The following VWA2 variants were observed in gnomAD, a reference collection of about 807,000 sequenced individuals.
The protein encoded by VWA2 is von Willebrand factor A domain containing 2.
VWA2 carries 73 observed loss-of-function variants against 70.4 expected under a neutral mutation model. The ratio of observed to expected loss-of-function variants is 1.04; its 90% CI spans 0.86 to 1.26. VWA2 has a LOEUF of 1.26. VWA2 is among the 50% of genes most tolerant of loss of function. The pLI is 0.00. For synonymous variants in VWA2, 407 were observed against 423.3 expected (o/e 0.96, Z 0.47); for missense variants, 1,011 against 998.5 (o/e 1.01, Z -0.17).
chr10:114,286,587 T>A, intron 11 of VWA2, 76 bp downstream of exon 11: 1 of 1,299,396 alleles, frequency 7.7e-7, no homozygotes, highest in Non-Finnish European at 1.0e-6. Context: ...CACCTAACCA[T>A]CATTTTCTGC....
At chr10:114,287,164 G>A (rs2039003716) in intron 11 of VWA2, among the ~76,000 whole-genome samples, 1 of 152,216 alleles carries the variant, frequency 6.6e-6, no homozygotes, top group African/African-American at 2.4e-5. Flanking sequence ...CATGGCCAGA[G>A]ATGTAGTAGC....
chr10:114,277,461 C>T (rs991221394), intron 6 of VWA2, among the ~76,000 whole-genome samples: 5 of 152,200 alleles, frequency 3.3e-5, no homozygotes, highest in East Asian at 3.9e-4. Context: ...TGGGATTAGG[C>T]GTGAGCCACC....
intron 3 of VWA2, 76 bp downstream of exon 3, chr10:114,253,801 C>G: frequency 7.2e-7 from 1 of 1,394,920 alleles, no homozygotes; most frequent in Non-Finnish European, 1.0e-6. Flanking sequence ...GAACCATGTT[C>G]TTCCAGAGAG....
intron 1 of VWA2, among the ~76,000 whole-genome samples, chr10:114,247,920 G>GT (rs568356021): frequency 7.3e-5 from 11 of 151,272 alleles, no homozygotes; most frequent in East Asian, 1.9e-4. Flanking sequence ...GGGTGGTGAA[G>GT]TTTTTTTTTA....
intron 2 of VWA2, among the ~76,000 whole-genome samples, chr10:114,249,887 G>T (rs1465206911): frequency 6.6e-6 from 1 of 152,032 alleles, no homozygotes; most frequent in Non-Finnish European, 1.5e-5. Flanking sequence ...TTACCCCGTG[G>T]CCATCCTGAG....
At position 114,286,522 on chromosome 10, in the gene VWA2, A is replaced by G; in HGVS notation, c.1570+11A>G. The G allele has an allele frequency of 1.3e-6, 2 of 1,549,942 alleles. No homozygotes were observed. Among genetic ancestry groups the G allele is most frequent in the South Asian group, 1.2e-5 (1 of 82,470 alleles). ...GCCGGCAGCGGCCAGGTAAGGTCCC[A>G]GTGCCTGACCCAGGACCGCTGGTCA... On this transcript the variant is annotated intron_variant, in intron 11 of 13. Transcript: ENST00000392982.
At chr10:114,253,804 C>T (rs752877181) in intron 3 of VWA2, 79 bp downstream of exon 3, 41 of 1,375,848 alleles carry the variant, frequency 3.0e-5, no homozygotes, top group Non-Finnish European at 3.6e-5. Context: ...CCATGTTCTT[C>T]CAGAGAGTTT....
chr10:114,291,336 T>G lies in VWA2; in HGVS notation c.*99T>G, dbSNP rs1174737800. On this transcript the variant is annotated 3_prime_UTR_variant, in exon 14 of 14. Coordinates refer to ENST00000392982, the MANE Select transcript of VWA2 (RefSeq NM_001272046.2). ...AATGGTGCCTACCTTCTGGAATGTC[T>G]GTGCCCCAGGTCCTTAGAATGTCTG... The G allele has an allele frequency of 5.8e-6, 8 of 1,385,666 alleles. No homozygotes were observed. The highest frequency in any genetic ancestry group is 1.5e-5 in the African/African-American group (1 of 68,864). 85.8% of individuals were successfully genotyped at this position (1,385,666 alleles called of 1,614,324 possible).
At chr10:114,246,276 G>T (rs1267441129) in intron 1 of VWA2, 9 of 664,578 alleles carry the variant, frequency 1.4e-5, no homozygotes, top group Non-Finnish European at 2.7e-6. Flanking sequence ...CGAGGCGGTC[G>T]TATCACCTGA....
intron 5 of VWA2, among the ~76,000 whole-genome samples, chr10:114,269,988 T>A (rs930020400): frequency 2.6e-5 from 4 of 152,218 alleles, no homozygotes; most frequent in Non-Finnish European, 5.9e-5. Context: ...GGCAAACTTT[T>A]TCAGTAAAAG....
intron 1 of VWA2, chr10:114,246,095 C>A: frequency 5.7e-6 from 3 of 522,558 alleles, no homozygotes; most frequent in South Asian, 1.5e-5. Context: ...GATTGGAGGT[C>A]AGATGCATGG....
At chr10:114,279,858 G>C (rs1471997862) in intron 8 of VWA2, among the ~76,000 whole-genome samples, 2 of 152,224 alleles carry the variant, frequency 1.3e-5, no homozygotes, top group African/African-American at 2.4e-5. Context: ...TGTTGGGATG[G>C]AGTCTGTCCT....
rs1353616954 is a variant in VWA2, at chr10:114,286,390, G to C, written c.1449G>C (p.Val483=). Residue 483 remains valine (V), a synonymous_variant, in exon 11 of 14, where the codon GTG becomes GTC. Coordinates refer to ENST00000392982, the MANE Select transcript of VWA2 (RefSeq NM_001272046.2). ...LLLLGVGSEA[V]RAELEEITGS... ...TGCTGGGTGTAGGCAGTGAGGCCGTGCGGGCAGAGCTGGAGGAGATCACAG... is the reference window on the plus strand; with the variant it reads ...TGCTGGGTGTAGGCAGTGAGGCCGTCCGGGCAGAGCTGGAGGAGATCACAG... 9 of 1,613,796 alleles carry C rather than the reference G, an allele frequency of 5.6e-6. No individual in the cohort carries two copies. The highest frequency in any genetic ancestry group is 7.6e-6 in the Non-Finnish European group (9 of 1,180,044).
intron 5 of VWA2, 78 bp from the exon 6 acceptor site, chr10:114,272,662 C>T (rs757149851): frequency 1.6e-4 from 214 of 1,315,248 alleles, no homozygotes; most frequent in Non-Finnish European, 2.1e-4. Flanking sequence ...AAGAGCTCAT[C>T]GATTTCAGAC....
chr10:114,270,651 C>G (rs1282152631), intron 5 of VWA2, among the ~76,000 whole-genome samples: 1 of 152,148 alleles, frequency 6.6e-6, no homozygotes, highest in Non-Finnish European at 1.5e-5. Context: ...GAGGAACACT[C>G]TTTTTAAACA....
At chr10:114,251,277 G>A (rs963455102) in intron 2 of VWA2, among the ~76,000 whole-genome samples, 5 of 152,236 alleles carry the variant, frequency 3.3e-5, no homozygotes, top group East Asian at 1.9e-4. Context: ...TGCCTGTTCA[G>A]GGGGAGCCTC....
chr10:114,272,892 A>G lies in VWA2; in HGVS notation c.524A>G (p.Glu175Gly). The G allele has an allele frequency of 6.2e-7, 1 of 1,613,670 alleles. No individual in the cohort carries two copies. The highest frequency in any genetic ancestry group is 8.5e-7 in the Non-Finnish European group (1 of 1,179,792). Residue 175 changes from glutamate to glycine, a missense_variant, in exon 6 of 14, where the codon GAA becomes GGA. Coordinates refer to ENST00000392982, the MANE Select transcript of VWA2 (RefSeq NM_001272046.2). ...GCACTGCCATCCAAGCAGCTGAAGG[A>G]AAGGGGTGTCACTGTGTTTGCTGTG... Reference protein sequence around the residue: ...DVALPSKQLKERGVTVFAVGV... With the variant: ...DVALPSKQLKGRGVTVFAVGV...
intron 1 of VWA2, chr10:114,246,325 AC>A: frequency 1.7e-6 from 1 of 572,228 alleles, no homozygotes; most frequent in Admixed American, 2.8e-5. Context: ...ACATGGTGAA[AC>A]CCCGTCTCTA....
intron 5 of VWA2, among the ~76,000 whole-genome samples, chr10:114,269,858 A>G (rs1371781491): frequency 1.3e-5 from 2 of 152,218 alleles, no homozygotes; most frequent in African/African-American, 2.4e-5. Context: ...CCAGGAGGCC[A>G]TAGGGCTCAC....
Sources: allele counts gnomAD v4.1 joint callset (sites outside exome capture counted in the v4.1 genomes callset), GRCh38; gene constraint gnomAD v4.1.1; transcripts MANE v1.5; gene names NCBI Gene and HGNC (gene_info 2026-07-23, HGNC 2026-07-21).